The following THSD7B variants were observed in gnomAD, a reference collection of about 807,000 sequenced individuals.
The protein encoded by THSD7B is thrombospondin type 1 domain containing 7B.
In THSD7B, 138 loss-of-function variants were observed where a neutral mutation model predicts 213.6. The ratio of observed to expected loss-of-function variants is 0.65; its 90% CI spans 0.56 to 0.74. THSD7B has a LOEUF of 0.74. Ranked by LOEUF, THSD7B falls within the 30% of genes least tolerant of loss-of-function variation. The pLI is 0.00. For synonymous variants in THSD7B, 742 were observed against 687.0 expected, an observed-to-expected ratio of 1.08 and a Z score of -1.25; for missense variants, 1,931 against 1,991.5, an observed-to-expected ratio of 0.97 and a Z score of 0.58.
chr2:137,162,558 C>A (rs1347735472), intron 6 of THSD7B, among the ~76,000 whole-genome samples: 2 of 152,176 alleles, frequency 1.3e-5, no homozygotes, highest in Non-Finnish European at 2.9e-5. Flanking sequence ...CAGGTAGAAG[C>A]AGTTCTGAGG....
chr2:137,098,041 T>C lies in THSD7B; in HGVS notation c.1199+2920T>C, dbSNP rs115707083. Among the ~76,000 whole-genome samples, 307 of 152,320 alleles carry C rather than the reference T, an allele frequency of 2.0e-3. 3 individuals carry two copies. Among genetic ancestry groups the C allele is most frequent in the African/African-American group, 7.1e-3 (294 of 41,580 alleles). On this transcript the variant is annotated intron_variant, in intron 4 of 27. Coordinates refer to ENST00000409968, the MANE Select transcript of THSD7B (RefSeq NM_001316349.2). ...GAGGCTATGTACTAACATTTGCTTTTGGTTTTATATTAGTGATTAAAATTC... is the reference window on the plus strand; with the variant it reads ...GAGGCTATGTACTAACATTTGCTTTCGGTTTTATATTAGTGATTAAAATTC...
intron 1 of THSD7B, among the ~76,000 whole-genome samples, chr2:136,799,081 T>C (rs1682122324): frequency 6.6e-6 from 1 of 152,040 alleles, no homozygotes; most frequent in African/African-American, 2.4e-5. Context: ...AGAACTTCTT[T>C]TTCTATTCTC....
intron 21 of THSD7B, among the ~76,000 whole-genome samples, chr2:137,654,245 T>C (rs886869541): frequency 6.6e-6 from 1 of 152,174 alleles, no homozygotes; most frequent in African/African-American, 2.4e-5. Flanking sequence ...ATCCCAATAG[T>C]GTGAGAAGGC....
chr2:137,336,783 A>G lies in THSD7B; in HGVS notation c.2500+60757A>G, dbSNP rs79468661. On this transcript the variant is annotated intron_variant, in intron 12 of 27. Transcript: ENST00000409968. ...TTAGACCATTTTATCGAAGCATTACATACATAAAAGCTTTCCATTATTTTT... is the reference window on the plus strand; with the variant it reads ...TTAGACCATTTTATCGAAGCATTACGTACATAAAAGCTTTCCATTATTTTT... Among the ~76,000 whole-genome samples the G allele has an allele frequency of 8.2e-3, 1,249 of 152,244 alleles. 15 individuals carry two copies. Among genetic ancestry groups the G allele is most frequent in the African/African-American group, 0.028 (1,182 of 41,526 alleles).
At chr2:137,624,522 C>A (rs1430790718) in intron 20 of THSD7B, among the ~76,000 whole-genome samples, 1 of 152,180 alleles carries the variant, frequency 6.6e-6, no homozygotes, top group Non-Finnish European at 1.5e-5. Context: ...AAACTACCAT[C>A]AGAGTGAACA....
At position 137,528,387 on chromosome 2, in the gene THSD7B, A is replaced by G. The variant is rs574323454; in HGVS notation, c.3139-34834A>G. Among the ~76,000 whole-genome samples the G allele has an allele frequency of 2.0e-5, 3 of 152,252 alleles. No individual in the cohort carries two copies. The South Asian group carries it at 6.2e-4, about 32-fold the overall frequency. On this transcript the variant is annotated intron_variant, in intron 15 of 27. Coordinates refer to ENST00000409968, the MANE Select transcript of THSD7B (RefSeq NM_001316349.2). Reference sequence around the variant, plus strand: ...GTTTCCTCATCTGTTAAGTACAGATAGTAATGACTACCTCACTGGATTTTT... The same window carrying G: ...GTTTCCTCATCTGTTAAGTACAGATGGTAATGACTACCTCACTGGATTTTT...
In THSD7B at chr2:137,618,452, T is replaced by G; in HGVS notation, c.3626T>G (p.Leu1209Arg). 1.2e-6 allele frequency: 2 copies of G among 1,613,942 alleles called. No homozygotes were observed. The highest frequency in any genetic ancestry group is 1.7e-6 in the Non-Finnish European group (2 of 1,179,874). The change falls in exon 19 of 28, where the codon CTG (leucine) becomes CGG (arginine). Residue 1209 changes from leucine to arginine, a missense_variant. Transcript: ENST00000409968. ...TGTGGTCAAGGCGTCAGGACCCGCC[T>G]GCTAAGCTGTGTGTGCAGTGATGGC... ...APCGQGVRTRLLSCVCSDGKP... is the reference protein window; with the variant it reads ...APCGQGVRTRRLSCVCSDGKP...
intron 7 of THSD7B, among the ~76,000 whole-genome samples, chr2:137,172,318 A>T (rs780387713): frequency 2.8e-4 from 43 of 152,152 alleles, no homozygotes; most frequent in Non-Finnish European, 4.7e-4. Context: ...TCTGGATGGG[A>T]GATGATCACC....
intron 3 of THSD7B, among the ~76,000 whole-genome samples, chr2:137,068,788 T>C (rs968307839): frequency 6.6e-6 from 1 of 152,074 alleles, no homozygotes; most frequent in African/African-American, 2.4e-5. Context: ...TAGGGACAAG[T>C]GGCATTCTGT....
At chr2:137,471,470 A>T (rs1319354730) in intron 15 of THSD7B, among the ~76,000 whole-genome samples, 1 of 152,060 alleles carries the variant, frequency 6.6e-6, no homozygotes, top group East Asian at 2.0e-4. Flanking sequence ...GTGGTGCCAT[A>T]GGAAGAGCCC....
chr2:136,903,376 G>A (rs544338862), intron 2 of THSD7B, among the ~76,000 whole-genome samples: 40 of 152,262 alleles, frequency 2.6e-4, no homozygotes, highest in African/African-American at 9.4e-4. Flanking sequence ...GGTTTTGAAG[G>A]CAATCTTTCC....
At chr2:136,825,724 T>TTTTTTTG (rs1236945074) in intron 1 of THSD7B, among the ~76,000 whole-genome samples, 3 of 146,936 alleles carry the variant, frequency 2.0e-5, no homozygotes, top group South Asian at 4.5e-4. Context: ...GCTAATTTTT[T>TTTTTTTG]TTTTTTTTTT....
At chr2:136,974,244 C>T (rs1020364987) in intron 2 of THSD7B, among the ~76,000 whole-genome samples, 1 of 152,068 alleles carries the variant, frequency 6.6e-6, no homozygotes, top group East Asian at 1.9e-4. Flanking sequence ...ATGTTTGTTA[C>T]ATATGTAAAT....
intron 12 of THSD7B, among the ~76,000 whole-genome samples, chr2:137,394,558 A>C (rs1436746373): frequency 1.5e-5 from 2 of 135,460 alleles, no homozygotes; most frequent in African/African-American, 5.5e-5. Flanking sequence ...TGTTTTGGTT[A>C]CTGTAGCCTT....
chr2:136,998,747 G>C lies in THSD7B; in HGVS notation c.140-57673G>C, dbSNP rs572571689. 3.3e-5 allele frequency among the ~76,000 whole-genome samples: 5 copies of C among 152,158 alleles called. No homozygotes were observed. In the South Asian group the frequency reaches 1.0e-3, roughly 32 times the overall value. On this transcript the variant is annotated intron_variant, in intron 2 of 27. Coordinates refer to ENST00000409968, the MANE Select transcript of THSD7B (RefSeq NM_001316349.2). ...CTGGTGGTTTCTTTCTGGAGGATAGGAACTTCAGATATCAGGTTCTCAAGT... is the reference window on the plus strand; with the variant it reads ...CTGGTGGTTTCTTTCTGGAGGATAGCAACTTCAGATATCAGGTTCTCAAGT...
At chr2:137,374,560 T>C (rs992156734) in intron 12 of THSD7B, among the ~76,000 whole-genome samples, 5 of 152,312 alleles carry the variant, frequency 3.3e-5, no homozygotes, top group South Asian at 2.1e-4. Flanking sequence ...TTCTAAGTGA[T>C]GTATGAATTT....
chr2:137,182,541 G>A (rs1680474954), intron 7 of THSD7B, among the ~76,000 whole-genome samples: 1 of 152,102 alleles, frequency 6.6e-6, no homozygotes, highest in Non-Finnish European at 1.5e-5. Flanking sequence ...TCTTCAAAAG[G>A]TATGAGATTT....
intron 12 of THSD7B, 29 bp downstream of exon 12, chr2:137,276,055 T>TA: frequency 6.6e-7 from 1 of 1,523,150 alleles, no homozygotes; most frequent in Non-Finnish European, 9.0e-7. Context: ...AGTTTTTTTT[T>TA]ATTAATACGT....
At chr2:137,257,560 G>A (rs150731854) in intron 10 of THSD7B, among the ~76,000 whole-genome samples, 13 of 152,222 alleles carry the variant, frequency 8.5e-5, no homozygotes, top group Non-Finnish European at 1.5e-4. Flanking sequence ...AAAATGTGGA[G>A]TTCAGTGTTC....
Sources: allele counts gnomAD v4.1 joint callset (sites outside exome capture counted in the v4.1 genomes callset), GRCh38; gene constraint gnomAD v4.1.1; transcripts MANE v1.5; gene names NCBI Gene and HGNC (gene_info 2026-07-23, HGNC 2026-07-21).